The following CNBD1 variants were observed in gnomAD, a reference collection of about 807,000 sequenced individuals.
CNBD1 encodes cyclic nucleotide binding domain containing 1.
Under a neutral mutation model 54.4 loss-of-function variants are expected in CNBD1, and 71 were observed. The ratio of observed to expected loss-of-function variants is 1.30; its 90% confidence interval spans 1.08 to 1.59. The LOEUF (loss-of-function observed/expected upper bound fraction) is 1.59. Ranked by LOEUF, CNBD1 falls within the 40% of genes most tolerant of loss-of-function variation. The pLI, the probability that CNBD1 is intolerant of heterozygous loss-of-function variation, is 0.00. For missense variants in CNBD1, 659 were observed against 518.0 expected (o/e 1.27, Z -2.64); for synonymous variants, 182 against 170.7 (o/e 1.07, Z -0.51).
chr8:87,093,997 C>A (rs1049375434), intron 4 of CNBD1, among the ~76,000 whole-genome samples: 1 of 152,146 alleles, frequency 6.6e-6, no homozygotes, highest in Non-Finnish European at 1.5e-5. Context: ...CTGGATCTAC[C>A]TTAGAACACA....
intron 1 of CNBD1, among the ~76,000 whole-genome samples, chr8:86,887,115 G>A (rs1808691678): frequency 6.6e-6 from 1 of 152,124 alleles, no homozygotes; most frequent in South Asian, 2.1e-4. Context: ...TGAATAGGCC[G>A]ACATAAGTAG....
intron 4 of CNBD1, among the ~76,000 whole-genome samples, chr8:87,067,081 C>G (rs180803843): frequency 6.6e-6 from 1 of 152,068 alleles, no homozygotes; most frequent in African/African-American, 2.4e-5. Flanking sequence ...CACATGTGTG[C>G]TGCCATCATT....
intron 5 of CNBD1, among the ~76,000 whole-genome samples, chr8:87,231,189 CAT>C (rs1814682293): frequency 1.3e-5 from 2 of 152,062 alleles, no homozygotes; most frequent in African/African-American, 2.4e-5. Flanking sequence ...CATAGGCAGA[CAT>C]ATATTTACTT....
At chr8:87,374,292 A>T (rs1810880079) in intron 10 of CNBD1, among the ~76,000 whole-genome samples, 1 of 151,778 alleles carries the variant, frequency 6.6e-6, no homozygotes, top group Admixed American at 6.6e-5. Context: ...ATCCTTGTGG[A>T]TTGCTAAATT....
At chr8:87,154,421 C>T (rs949629566) in intron 4 of CNBD1, among the ~76,000 whole-genome samples, 3 of 152,114 alleles carry the variant, frequency 2.0e-5, no homozygotes, top group Non-Finnish European at 4.4e-5. Flanking sequence ...GTAGTACCGA[C>T]GTGTCCAGTG....
At chr8:87,355,936 T>A (rs1810410946) in intron 10 of CNBD1, among the ~76,000 whole-genome samples, 2 of 152,154 alleles carry the variant, frequency 1.3e-5, no homozygotes, top group South Asian at 4.1e-4. Context: ...GAGTGAGTTC[T>A]CACTCTATTA....
chr8:87,320,202 T>C (rs1420986240), intron 8 of CNBD1, among the ~76,000 whole-genome samples: 1 of 152,150 alleles, frequency 6.6e-6, no homozygotes, highest in Non-Finnish European at 1.5e-5. Flanking sequence ...TAACTTTTTA[T>C]TGTTTGCCTT....
intron 4 of CNBD1, among the ~76,000 whole-genome samples, chr8:86,971,443 T>C (rs1318727381): frequency 6.6e-6 from 1 of 152,224 alleles, no homozygotes; most frequent in East Asian, 1.9e-4. Context: ...AATCATATCA[T>C]TCTGTTTCAC....
chr8:87,084,811 G>A (rs1287042184), intron 4 of CNBD1, among the ~76,000 whole-genome samples: 2 of 151,840 alleles, frequency 1.3e-5, no homozygotes, highest in Admixed American at 1.3e-4. Flanking sequence ...TGAATAGCTG[G>A]GATTCAGGCA....
At chr8:87,290,259 CA>C (rs977426327) in intron 8 of CNBD1, among the ~76,000 whole-genome samples, 1 of 151,768 alleles carries the variant, frequency 6.6e-6, no homozygotes, top group African/African-American at 2.4e-5. Flanking sequence ...AAAAAGAGAT[CA>C]AATATATATT....
chr8:87,260,394 T>G (rs1354355002), intron 6 of CNBD1, among the ~76,000 whole-genome samples: 1 of 152,180 alleles, frequency 6.6e-6, no homozygotes, highest in Non-Finnish European at 1.5e-5. Flanking sequence ...TCTTGAGCAG[T>G]GAGCTTATGG....
intron 4 of CNBD1, among the ~76,000 whole-genome samples, chr8:87,072,867 G>C (rs1810787385): frequency 6.6e-6 from 1 of 152,054 alleles, no homozygotes. Context: ...TTTCTAGGTT[G>C]AGGAAGTTCT....
chr8:86,870,552 T>G (rs1808429484), intron 1 of CNBD1, among the ~76,000 whole-genome samples: 1 of 152,142 alleles, frequency 6.6e-6, no homozygotes, highest in Non-Finnish European at 1.5e-5. Flanking sequence ...ATTTTATGGC[T>G]TTACATTTAC....
At chr8:86,875,573 A>G (rs1326573481) in intron 1 of CNBD1, among the ~76,000 whole-genome samples, 1 of 152,078 alleles carries the variant, frequency 6.6e-6, no homozygotes, top group Non-Finnish European at 1.5e-5. Context: ...CTTTCTTTCT[A>G]ATTTCTAAAT....
chr8:87,216,892 A>C (rs527916378), intron 5 of CNBD1, among the ~76,000 whole-genome samples: 23 of 152,306 alleles, frequency 1.5e-4, no homozygotes, highest in African/African-American at 5.0e-4. Flanking sequence ...TGGGTAATCT[A>C]AAATATCTTT....
At chr8:87,398,782 T>A (rs988140281) in intron 2 of CNBD1, among the ~76,000 whole-genome samples, 1 of 152,008 alleles carries the variant, frequency 6.6e-6, no homozygotes, top group Non-Finnish European at 1.5e-5. Flanking sequence ...GCCTTAAGGC[T>A]TCTACATGCC....
intron 10 of CNBD1, among the ~76,000 whole-genome samples, chr8:87,371,211 G>T (rs989777991): frequency 3.3e-5 from 5 of 151,930 alleles, no homozygotes; most frequent in African/African-American, 9.7e-5. Context: ...GGCAATGGGG[G>T]CTCTTTTTTG....
intron 1 of CNBD1, among the ~76,000 whole-genome samples, chr8:86,881,821 A>G (rs942018812): frequency 1.3e-5 from 2 of 152,218 alleles, no homozygotes; most frequent in African/African-American, 4.8e-5. Context: ...GAACAGACAC[A>G]TAGACCAATG....
chr8:87,053,874 A>C (rs1303303106), intron 4 of CNBD1, among the ~76,000 whole-genome samples: 1 of 152,260 alleles, frequency 6.6e-6, no homozygotes, highest in Non-Finnish European at 1.5e-5. Flanking sequence ...TCATTCCTAA[A>C]CAATGGGTCC....
Sources: allele counts gnomAD v4.1 joint callset (sites outside exome capture counted in the v4.1 genomes callset), GRCh38; gene constraint gnomAD v4.1.1; transcripts MANE v1.5; gene names NCBI Gene and HGNC (gene_info 2026-07-23, HGNC 2026-07-21).